The following MKLN1 variants were observed in gnomAD, a reference collection of about 807,000 sequenced individuals.
The protein encoded by MKLN1 is muskelin.
Under a neutral mutation model 99.0 loss-of-function variants are expected in MKLN1, and 18 were observed. The observed-to-expected ratio is 0.18, with a 90% CI of 0.13 to 0.27. The LOEUF (loss-of-function observed/expected upper bound fraction) is 0.27, where lower values mean the gene tolerates loss of function less well. MKLN1 is among the 10% of genes least tolerant of loss of function. MKLN1 has a pLI of 1.00. For missense variants in MKLN1, 621 were observed against 875.9 expected, an observed-to-expected ratio of 0.71 and a Z score of 3.67; for synonymous variants, 288 against 293.2, an observed-to-expected ratio of 0.98 and a Z score of 0.18.
At chr7:131,478,551 A>G (rs1250166641) in intron 16 of MKLN1, 72 bp from the exon 17 acceptor site, 38 of 1,406,598 alleles carry the variant, frequency 2.7e-5, no homozygotes, top group Non-Finnish European at 3.5e-5. Flanking sequence ...AAGTTATAGA[A>G]GGCTATTTTC....
At chr7:131,324,936 C>G (rs549885016), upstream of MKLN1, among the ~76,000 whole-genome samples, 4 of 152,110 alleles carry the variant, frequency 2.6e-5, no homozygotes, top group East Asian at 7.7e-4. Flanking sequence ...ATTATTTTAC[C>G]ATTTATAAAA....
At chr7:131,153,659 T>TTG (rs1563232977) in intron 2 of MKLN1, among the ~76,000 whole-genome samples, 3 of 60,756 alleles carry the variant, frequency 4.9e-5, no homozygotes, top group Non-Finnish European at 1.4e-4. Flanking sequence ...AGTAGGTTTT[T>TTG]TTTGGTTTTT....
intron 1 of MKLN1, among the ~76,000 whole-genome samples, chr7:131,129,494 G>A (rs1331912140): frequency 6.6e-6 from 1 of 152,184 alleles, no homozygotes; most frequent in African/African-American, 2.4e-5. Context: ...CATAAATTTT[G>A]TGTATTCCCA....
At chr7:131,300,295 A>C (rs555468469) in intron 3 of MKLN1, among the ~76,000 whole-genome samples, 65 of 152,148 alleles carry the variant, frequency 4.3e-4, no homozygotes, top group Non-Finnish European at 7.2e-4. Flanking sequence ...GCAGGCAGGA[A>C]GGGAGAGGAA....
At chr7:131,264,459 G>C (rs1797778715) in intron 3 of MKLN1, among the ~76,000 whole-genome samples, 1 of 152,090 alleles carries the variant, frequency 6.6e-6, no homozygotes, top group Non-Finnish European at 1.5e-5. Context: ...CACTGAATAA[G>C]TGACCCAGGG....
chr7:131,301,116 C>T (rs959091087), intron 3 of MKLN1, among the ~76,000 whole-genome samples: 2 of 152,172 alleles, frequency 1.3e-5, no homozygotes, highest in Non-Finnish European at 1.5e-5. Context: ...AAGTTGATCC[C>T]TAGGCCCCAC....
intron 3 of MKLN1, among the ~76,000 whole-genome samples, chr7:131,268,453 C>G (rs755109066): frequency 2.3e-4 from 35 of 152,190 alleles, no homozygotes; most frequent in Non-Finnish European, 4.4e-4. Flanking sequence ...TTGTTCTTGT[C>G]AAGGTCCAAT....
intron 6 of MKLN1, among the ~76,000 whole-genome samples, chr7:131,403,910 G>T (rs930087170): frequency 6.6e-6 from 1 of 152,098 alleles, no homozygotes; most frequent in Non-Finnish European, 1.5e-5. Flanking sequence ...TTGGAAAAAC[G>T]GCATCCATAG....
intron 12 of MKLN1, among the ~76,000 whole-genome samples, chr7:131,462,295 A>T (rs1796538865): frequency 6.6e-6 from 1 of 152,112 alleles, no homozygotes. Flanking sequence ...CTCCCAAAGC[A>T]CTGATATTAC....
chr7:131,360,628 A>T (rs984880471), intron 1 of MKLN1, among the ~76,000 whole-genome samples: 1 of 152,144 alleles, frequency 6.6e-6, no homozygotes, highest in East Asian at 1.9e-4. Flanking sequence ...ATTTATCTAC[A>T]TGCCATAATC....
chr7:131,166,719 C>T (rs1177470727), intron 2 of MKLN1, among the ~76,000 whole-genome samples: 1 of 152,170 alleles, frequency 6.6e-6, no homozygotes, highest in Non-Finnish European at 1.5e-5. Flanking sequence ...GAGTTTCGCT[C>T]TTGTTGCCCA....
Position 131,492,719 on chromosome 7 carries a change from A to G in MKLN1, c.*4991A>G, listed in dbSNP as rs1164045859. The G allele has an allele frequency of 7.3e-6, 1 of 137,564 alleles. No homozygotes were observed. Among genetic ancestry groups the G allele is most frequent in the African/African-American group, 2.8e-5 (1 of 35,792 alleles). The allele number at this position is 137,564 out of a possible 1,614,324, so 8.5% of individuals were successfully genotyped here. A position where few individuals can be genotyped will look rare whatever the true frequency, so the allele number is the denominator to read the frequency against. On this transcript the variant is annotated 3_prime_UTR_variant, in exon 18 of 18. Transcript: ENST00000352689. ...CACTGCACTCCAGCCTGGGCAACAG[A>G]GCAAGACCCTGTCTCAAAAAAAAAA...
intron 2 of MKLN1, among the ~76,000 whole-genome samples, chr7:131,167,188 G>A (rs1796139565): frequency 1.3e-5 from 2 of 151,970 alleles, no homozygotes; most frequent in South Asian, 4.1e-4. Context: ...ATGATCCACT[G>A]TTTTCAAGGG....
At chr7:131,435,474 T>C (rs1795651472) in intron 9 of MKLN1, among the ~76,000 whole-genome samples, 1 of 152,196 alleles carries the variant, frequency 6.6e-6, no homozygotes, top group African/African-American at 2.4e-5. Flanking sequence ...TTTCCCTTGA[T>C]TTTCTGAAAA....
chr7:131,176,629 T>C (rs763123465), intron 2 of MKLN1, among the ~76,000 whole-genome samples: 8 of 152,244 alleles, frequency 5.3e-5, no homozygotes, highest in Non-Finnish European at 1.2e-4. Context: ...GTTTACTCCA[T>C]AGTGTTCCCC....
intron 6 of MKLN1, among the ~76,000 whole-genome samples, chr7:131,400,886 C>A (rs981877793): frequency 2.0e-5 from 3 of 152,066 alleles, no homozygotes; most frequent in Non-Finnish European, 4.4e-5. Flanking sequence ...AAACTTACAG[C>A]CACATCATAG....
chr7:131,410,608 T>C (rs941232288), intron 6 of MKLN1, among the ~76,000 whole-genome samples: 5 of 152,088 alleles, frequency 3.3e-5, no homozygotes, highest in African/African-American at 1.2e-4. Context: ...CTCTTGGATA[T>C]GGGTGGCAAA....
intron 3 of MKLN1, among the ~76,000 whole-genome samples, chr7:131,208,141 G>T (rs910165682): frequency 3.3e-5 from 5 of 152,194 alleles, no homozygotes; most frequent in African/African-American, 1.2e-4. Flanking sequence ...TGCACTGAAA[G>T]AGTGATACAA....
chr7:131,192,521 T>C (rs929267569), intron 2 of MKLN1, among the ~76,000 whole-genome samples: 1 of 135,450 alleles, frequency 7.4e-6, no homozygotes. Flanking sequence ...AATATAAATA[T>C]TTACATATAT....
Sources: allele counts gnomAD v4.1 joint callset (sites outside exome capture counted in the v4.1 genomes callset), GRCh38; gene constraint gnomAD v4.1.1; transcripts MANE v1.5; gene names NCBI Gene and HGNC (gene_info 2026-07-23, HGNC 2026-07-21).